The following OXNAD1 variants were observed in gnomAD, a reference collection of about 807,000 sequenced individuals.
OXNAD1 encodes oxidoreductase NAD-binding domain-containing protein 1.
In OXNAD1, 34 loss-of-function variants were observed where a neutral mutation model predicts 32.9. That is an observed-to-expected ratio of 1.03 (90% CI 0.79 to 1.38). OXNAD1 has a LOEUF of 1.38. OXNAD1 is among the 40% of genes most tolerant of loss of function. The pLI, the probability that OXNAD1 is intolerant of heterozygous loss-of-function variation, is 0.00. For synonymous variants in OXNAD1, 134 were observed against 135.2 expected, an observed-to-expected ratio of 0.99 and a Z score of 0.06; for missense variants, 407 against 379.4, an observed-to-expected ratio of 1.07 and a Z score of -0.60.
At chr3:16,333,876 A>T (rs2070582441) in intron 9 of OXNAD1, among the ~76,000 whole-genome samples, 3 of 152,248 alleles carry the variant, frequency 2.0e-5, no homozygotes. Flanking sequence ...ATGCAAATTA[A>T]AACTACCAGC....
chr3:16,338,440 C>T (rs2071067922), downstream of OXNAD1, among the ~76,000 whole-genome samples: 1 of 152,246 alleles, frequency 6.6e-6, no homozygotes, highest in South Asian at 2.1e-4. The surrounding 1 kb of genome is among the most constrained non-coding windows in gnomAD (Gnocchi z 5.3). Context: ...ATCCTGTCAG[C>T]TGCTCATCGG....
chr3:16,268,669 G>A (rs1297786558), intron 1 of OXNAD1, among the ~76,000 whole-genome samples: 1 of 152,110 alleles, frequency 6.6e-6, no homozygotes, highest in Non-Finnish European at 1.5e-5. Context: ...TTCCAGTTCA[G>A]TTGAGAAGGG....
chr3:16,332,978 G>T (rs1186992272), intron 9 of OXNAD1, among the ~76,000 whole-genome samples: 1 of 152,104 alleles, frequency 6.6e-6, no homozygotes, highest in Non-Finnish European at 1.5e-5. Context: ...GAAGCATCTG[G>T]TCGCAACAGT....
chr3:16,338,727 A>T (rs1281319662), downstream of OXNAD1, among the ~76,000 whole-genome samples: 1 of 152,216 alleles, frequency 6.6e-6, no homozygotes, highest in Admixed American at 6.5e-5. This position sits in a 1 kb window ranked among gnomAD's most constrained non-coding sequence, Gnocchi z 5.3. Context: ...ATCCTATATC[A>T]TATCTTTAGC....
rs1047025886 is a variant in OXNAD1, at chr3:16,305,772, A to G, written c.*2210A>G. On this transcript the variant is annotated 3_prime_UTR_variant, in exon 9 of 9. Transcript: ENST00000285083. This position sits in a 1 kb window ranked among gnomAD's most constrained non-coding sequence, Gnocchi z 4.5. Reference sequence around the variant, plus strand: ...GCCTCATTTAAAATTACATACAACTACATGTAAAAGGGAGATGATACTGCT... The same window carrying G: ...GCCTCATTTAAAATTACATACAACTGCATGTAAAAGGGAGATGATACTGCT... 1 of 152,202 alleles carries G rather than the reference A, an allele frequency of 6.6e-6. No homozygotes were observed. Among genetic ancestry groups the G allele is most frequent in the Non-Finnish European group, 1.5e-5 (1 of 68,036 alleles). 9.4% of individuals were successfully genotyped at this position (152,202 alleles called of 1,614,324 possible).
rs2066283816 is a variant in OXNAD1, at chr3:16,289,450, ACAAGAT to A, written c.290+3003_290+3008del. Among the ~76,000 whole-genome samples the A allele has an allele frequency of 6.6e-6, 1 of 152,302 alleles. No homozygotes were observed. Among genetic ancestry groups the A allele is most frequent in the East Asian group, 1.9e-4 (1 of 5,184 alleles). On this transcript the variant is annotated intron_variant, in intron 5 of 8. Transcript: ENST00000285083. The surrounding 1 kb of genome is among the most constrained non-coding windows in gnomAD (Gnocchi z 4.9). The stretch of plus-strand genomic sequence containing the variant: ...CTGGTCCTAGTGTGTCTGACTTTCT[ACAAGAT>A]AACATAAGTTTAGATGCTAGAAAGC...
In OXNAD1 at chr3:16,321,509, G is replaced by T. The variant is rs933758244; in HGVS notation, c.*31-15603G>T. Among the ~76,000 whole-genome samples the T allele has an allele frequency of 2.0e-5, 3 of 152,158 alleles. No individual in the cohort carries two copies. Among genetic ancestry groups the T allele is most frequent in the Non-Finnish European group, 2.9e-5 (2 of 68,014 alleles). On this transcript the variant is annotated intron_variant, in intron 9 of 9. Coordinates refer to the OXNAD1 transcript ENST00000435829. The surrounding 1 kb of genome is among the most constrained non-coding windows in gnomAD (Gnocchi z 4.8). ...AGGGGACACAGGCCTGTGGGAGTAG[G>T]ACGCTGACCCTTGTCAGCTGAGGAG...
At chr3:16,309,667 G>C (rs1400744422), downstream of OXNAD1, among the ~76,000 whole-genome samples, 1 of 151,132 alleles carries the variant, frequency 6.6e-6, no homozygotes, top group Non-Finnish European at 1.5e-5. Flanking sequence ...AAATGAGGCA[G>C]ATTGGTTGGC....
rs1459964560 is a variant in OXNAD1 at position 16,329,587 on chromosome 3, T to C, written c.*31-7525T>C. 1.3e-5 allele frequency among the ~76,000 whole-genome samples: 2 copies of C among 152,146 alleles called. No individual in the cohort carries two copies. Among genetic ancestry groups the C allele is most frequent in the Non-Finnish European group, 2.9e-5 (2 of 68,024 alleles). On this transcript the variant is annotated intron_variant, in intron 9 of 9. Transcript: ENST00000435829. This position sits in a 1 kb window ranked among gnomAD's most constrained non-coding sequence, Gnocchi z 4.5. ...AGACCAGCACAGCCCGTATTCCTCC[T>C]GCTGGGTGCCACGCTCACCACCTGC...
chr3:16,316,971 C>A lies in OXNAD1; in HGVS notation c.*30+13379C>A, dbSNP rs1220774198. 6.2e-7 allele frequency: 1 copy of A among 1,614,018 alleles called. No individual in the cohort carries two copies. The highest frequency in any genetic ancestry group is 1.1e-5 in the South Asian group (1 of 91,082). On this transcript the variant is annotated intron_variant, in intron 9 of 9. Transcript: ENST00000435829. The surrounding 1 kb of genome is among the most constrained non-coding windows in gnomAD (Gnocchi z 4.5). ...GGACCATTCTGCACAGCCTCACCCT[C>A]CACACCCACCCCACACAGCAGGCCA...
Position 16,322,220 on chromosome 3 carries a change from C to T in OXNAD1, c.*31-14892C>T, listed in dbSNP as rs190387389. ...GCAGTTCCCTTCTGGTCCATTGTGC[C>T]GTCACCTGTCACATTACACCTTCAG... On this transcript the variant is annotated intron_variant, in intron 9 of 9. Transcript: ENST00000435829. This position sits in a 1 kb window ranked among gnomAD's most constrained non-coding sequence, Gnocchi z 6.2. 2.0e-5 allele frequency among the ~76,000 whole-genome samples: 3 copies of T among 152,272 alleles called. No individual in the cohort carries two copies. Among genetic ancestry groups the T allele is most frequent in the South Asian group, 4.1e-4 (2 of 4,824 alleles).
At chr3:16,333,480 A>T in intron 9 of OXNAD1, among the ~76,000 whole-genome samples, 1 of 151,692 alleles carries the variant, frequency 6.6e-6, no homozygotes. Flanking sequence ...TATCTATCTA[A>T]TTATGTCATT....
At position 16,316,742 on chromosome 3, in the gene OXNAD1, C is replaced by G; in HGVS notation, c.*30+13150C>G. 2.0e-6 allele frequency: 3 copies of G among 1,532,974 alleles called. No individual in the cohort carries two copies. Among genetic ancestry groups the G allele is most frequent in the South Asian group, 1.1e-5 (1 of 88,432 alleles). The allele number at this position is 1,532,974 out of a possible 1,614,324, so 95.0% of individuals were successfully genotyped here. A position where few individuals can be genotyped will look rare whatever the true frequency, so the allele number is the denominator to read the frequency against. On this transcript the variant is annotated intron_variant, in intron 9 of 9. Transcript: ENST00000435829. This position sits in a 1 kb window ranked among gnomAD's most constrained non-coding sequence, Gnocchi z 4.5. ...GCCAAAGGGTAGGTAACACACAACACCAGGGAAACCAGCCCCCAAACCAGC... is the reference window on the plus strand; with the variant it reads ...GCCAAAGGGTAGGTAACACACAACAGCAGGGAAACCAGCCCCCAAACCAGC...
chr3:16,318,732 C>T (rs1294923869), intron 9 of OXNAD1, among the ~76,000 whole-genome samples: 3 of 152,198 alleles, frequency 2.0e-5, no homozygotes, highest in Non-Finnish European at 4.4e-5. Flanking sequence ...GGTCCTTTCC[C>T]ACCCTGTATC....
At chr3:16,278,766 T>C (rs914493953) in intron 4 of OXNAD1, among the ~76,000 whole-genome samples, 1 of 152,204 alleles carries the variant, frequency 6.6e-6, no homozygotes, top group Non-Finnish European at 1.5e-5. Flanking sequence ...GGGGAGATAC[T>C]GATGGCAGAG....
At chr3:16,294,769 A>T in intron 5 of OXNAD1, 87 bp from the exon 6 acceptor site, 1 of 1,251,826 alleles carries the variant, frequency 8.0e-7, no homozygotes. Context: ...TTTTTTTCAT[A>T]GTCTTGCAAA....
chr3:16,291,373 A>AT (rs1328470813), intron 5 of OXNAD1, among the ~76,000 whole-genome samples: 1 of 152,172 alleles, frequency 6.6e-6, no homozygotes, highest in East Asian at 1.9e-4. Context: ...CATTTAGAAC[A>AT]TTTTTATCCC....
At position 16,325,336 on chromosome 3, in the gene OXNAD1, G is replaced by A. The variant is rs192530977; in HGVS notation, c.*31-11776G>A. On this transcript the variant is annotated intron_variant, in intron 9 of 9. Coordinates refer to the OXNAD1 transcript ENST00000435829. The stretch of plus-strand genomic sequence containing the variant: ...ACACAGTCTCCATTCCACCGTAAGT[G>A]GTCATTTAAGGAACAGGGAGGTGGA... Among the ~76,000 whole-genome samples, 194 of 152,322 alleles carry A rather than the reference G, an allele frequency of 1.3e-3. 1 individual carries two copies. Among genetic ancestry groups the A allele is most frequent in the Non-Finnish European group, 1.1e-3 (74 of 68,032 alleles).
Position 16,320,882 on chromosome 3 carries a change from G to C in OXNAD1, c.*31-16230G>C, listed in dbSNP as rs1281167922. On this transcript the variant is annotated intron_variant, in intron 9 of 9. Coordinates refer to the OXNAD1 transcript ENST00000435829. This position sits in a 1 kb window ranked among gnomAD's most constrained non-coding sequence, Gnocchi z 4.5. Reference sequence around the variant, plus strand: ...AGTCATACAAAACTAGAACTCCTTTGAGCAGTGGGATGACAGGATTCAAGT... The same window carrying C: ...AGTCATACAAAACTAGAACTCCTTTCAGCAGTGGGATGACAGGATTCAAGT... Among the ~76,000 whole-genome samples, 2 of 152,200 alleles carry C rather than the reference G, an allele frequency of 1.3e-5. No individual in the cohort carries two copies. The highest frequency in any genetic ancestry group is 4.8e-5 in the African/African-American group (2 of 41,448).
Sources: allele counts gnomAD v4.1 joint callset (sites outside exome capture counted in the v4.1 genomes callset), GRCh38; gene constraint gnomAD v4.1.1; non-coding constraint Gnocchi (gnomAD v3.1); transcripts MANE v1.5; gene names NCBI Gene and HGNC (gene_info 2026-07-23, HGNC 2026-07-21).